CASP6: variants seen among roughly 807,000 people sequenced by gnomAD.
CASP6 encodes the protein caspase-6.
In CASP6, 20 loss-of-function variants were observed where a neutral mutation model predicts 31.8. The ratio of observed to expected loss-of-function variants is 0.63; its 90% CI spans 0.44 to 0.91. CASP6 has a LOEUF of 0.91. Among genes scored for constraint, CASP6 ranks in the 40% least tolerant of loss-of-function variants. The probability of loss-of-function intolerance (pLI) is 0.00; values close to 1 mark genes in which losing one functional copy is unlikely to be tolerated. For missense variants in CASP6, 328 were observed against 361.1 expected (o/e 0.91, Z 0.74); for synonymous variants, 130 against 127.8 (o/e 1.02, Z -0.12).
At chr4:109,687,662 C>T, downstream of CASP6, 2 of 891,488 alleles carry the variant, frequency 2.2e-6, no homozygotes. Flanking sequence ...GTTTTTGAGT[C>T]CCATGGTTCA....
chr4:109,687,898 C>T (rs1729887397), downstream of CASP6: 1 of 242,128 alleles, frequency 4.1e-6, no homozygotes, highest in East Asian at 8.8e-5. Context: ...TTGGCATTCA[C>T]TTCCATTCTT....
chr4:109,683,906 C>G (rs779879752), downstream of CASP6, among the ~76,000 whole-genome samples: 4 of 152,088 alleles, frequency 2.6e-5, no homozygotes, highest in Non-Finnish European at 5.9e-5. Flanking sequence ...TTCATTTTTC[C>G]AAGGGCAGTT....
downstream of CASP6, chr4:109,684,569 A>G (rs1207211187): frequency 6.2e-7 from 1 of 1,605,376 alleles, no homozygotes; most frequent in Non-Finnish European, 8.5e-7. Flanking sequence ...CTCCTGGGAT[A>G]TCATGGAGCC....
At chr4:109,689,925 C>T (rs1729982753) in intron 6 of CASP6, among the ~76,000 whole-genome samples, 1 of 152,112 alleles carries the variant, frequency 6.6e-6, no homozygotes, top group Non-Finnish European at 1.5e-5. Context: ...TGGCTCATGC[C>T]TATAATCCCA....
At chr4:109,675,278 A>G in the CASP6 span, among the ~76,000 whole-genome samples, 1 of 152,210 alleles carries the variant, frequency 6.6e-6, no homozygotes, top group Non-Finnish European at 1.5e-5. Flanking sequence ...ATTTCGTGCC[A>G]CTTGACAAAG....
At chr4:109,703,453 C>G (rs537198109), upstream of CASP6, 9 of 1,583,256 alleles carry the variant, frequency 5.7e-6, no homozygotes, top group African/African-American at 1.3e-5. Flanking sequence ...CACAGGCTCC[C>G]GGGCCCGGCC....
chr4:109,705,482 T>C (rs1730572965), upstream of CASP6, among the ~76,000 whole-genome samples: 1 of 152,208 alleles, frequency 6.6e-6, no homozygotes, highest in Non-Finnish European at 1.5e-5. Flanking sequence ...TTTCAAGTCT[T>C]ATTTACAAAA....
chr4:109,664,648 C>T, the CASP6 span, among the ~76,000 whole-genome samples: 1 of 151,976 alleles, frequency 6.6e-6, no homozygotes, highest in East Asian at 1.9e-4. Context: ...CTGGTATCTT[C>T]ACTTTTACCT....
At position 109,700,005 on chromosome 4, in the gene CASP6, T is replaced by C. The variant is rs115113849; in HGVS notation, c.41-1663A>G. On this transcript the variant is annotated intron_variant, in intron 1 of 6. Transcript: ENST00000265164. Reference sequence around the variant, plus strand: ...AACTTGGAAAGCACTCATGTCTCAGTGTCCTCCTCGGTGGCAGCAGGCCAG... The same window carrying C: ...AACTTGGAAAGCACTCATGTCTCAGCGTCCTCCTCGGTGGCAGCAGGCCAG... Among the ~76,000 whole-genome samples the C allele has an allele frequency of 3.6e-3, 542 of 152,340 alleles. 3 individuals are homozygous for C. The highest frequency in any genetic ancestry group is 6.8e-3 in the Middle Eastern group (2 of 294).
At chr4:109,673,504 CTG>C in the CASP6 span, among the ~76,000 whole-genome samples, 1 of 152,186 alleles carries the variant, frequency 6.6e-6, no homozygotes, top group East Asian at 1.9e-4. Flanking sequence ...CTTATGAAAA[CTG>C]TATCAGACTT....
downstream of CASP6, among the ~76,000 whole-genome samples, chr4:109,685,558 G>A (rs1318825140): frequency 6.6e-6 from 1 of 152,136 alleles, no homozygotes; most frequent in African/African-American, 2.4e-5. Context: ...TTCTGTACAT[G>A]AAGATAGCTT....
At chr4:109,703,549 C>T, upstream of CASP6, 1 of 949,572 alleles carries the variant, frequency 1.1e-6, no homozygotes, top group Non-Finnish European at 1.5e-6. Context: ...CCCGGGCTCC[C>T]GTGGATCGGG....
chr4:109,706,032 A>ATATATAT (rs1419095475), upstream of CASP6, among the ~76,000 whole-genome samples: 29 of 93,804 alleles, frequency 3.1e-4, no homozygotes, highest in African/African-American at 1.3e-3. Flanking sequence ...ATATATATAT[A>ATATATAT]ATATATATAA....
At chr4:109,668,806 ACTT>A in the CASP6 span, among the ~76,000 whole-genome samples, 1 of 151,000 alleles carries the variant, frequency 6.6e-6, no homozygotes, top group Non-Finnish European at 1.5e-5. Flanking sequence ...TATTATTTAT[ACTT>A]CTTTTTTTAG....
chr4:109,677,669 T>C, the CASP6 span, among the ~76,000 whole-genome samples: 1 of 152,126 alleles, frequency 6.6e-6, no homozygotes, highest in African/African-American at 2.4e-5. Context: ...CAGCCCCTGC[T>C]TGCTCTCTCT....
the CASP6 span, among the ~76,000 whole-genome samples, chr4:109,679,475 G>A: frequency 1.6e-4 from 25 of 152,102 alleles, no homozygotes; most frequent in Admixed American, 1.2e-3. Flanking sequence ...GCGAAACCCC[G>A]TCTCCACCAA....
chr4:109,675,101 AAAAG>A, the CASP6 span, among the ~76,000 whole-genome samples: 570 of 152,354 alleles, frequency 3.7e-3, 17 homozygotes, highest in South Asian at 0.06. Flanking sequence ...AAAAAGAAAA[AAAAG>A]AAAAGGAAAA....
chr4:109,706,131 T>A (rs6823118), upstream of CASP6, among the ~76,000 whole-genome samples: 5,026 of 35,666 alleles, frequency 0.14, 603 homozygotes, highest in East Asian at 0.29. Flanking sequence ...CCTATCCATT[T>A]TATATATATA....
chr4:109,706,170 T>TAC (rs58287938), upstream of CASP6, among the ~76,000 whole-genome samples: 159 of 88,990 alleles, frequency 1.8e-3, 1 homozygote, highest in African/African-American at 6.7e-3. Flanking sequence ...TATATATATA[T>TAC]ACACACACAC....
Sources: allele counts gnomAD v4.1 joint callset (sites outside exome capture counted in the v4.1 genomes callset), GRCh38; gene constraint gnomAD v4.1.1; transcripts MANE v1.5; gene names NCBI Gene and HGNC (gene_info 2026-07-23, HGNC 2026-07-21).